TRAPPC3: variants seen among roughly 807,000 people sequenced by gnomAD.
TRAPPC3 encodes trafficking protein particle complex subunit 3.
TRAPPC3 carries 5 observed loss-of-function variants against 18.2 expected under a neutral mutation model. The ratio of observed to expected loss-of-function variants is 0.28; its 90% CI spans 0.14 to 0.58. TRAPPC3 has a LOEUF of 0.58. Ranked by LOEUF, TRAPPC3 falls within the 20% of genes least tolerant of loss-of-function variation. TRAPPC3 has a pLI of 0.91. For missense variants in TRAPPC3, 176 were observed against 225.9 expected (o/e 0.78, Z 1.41); for synonymous variants, 65 against 84.2 (o/e 0.77, Z 1.25).
At position 36,139,729 on chromosome 1, in the gene TRAPPC3, G is replaced by A. The variant is rs763671436; in HGVS notation, c.231C>T (p.Val77=). 6.2e-7 allele frequency: 1 copy of A among 1,614,116 alleles called. No individual in the cohort carries two copies. The highest frequency in any genetic ancestry group is 8.5e-7 in the Non-Finnish European group (1 of 1,180,022). ...RCHDFRETAD[V]IAKVAFKMYL... ...GGCCCAGAATAATGACCTTGGCAAT[G>A]ACATCCGCAGTTTCCCGAAAGTCAT... The change falls in exon 3 of 5, where the codon GTC becomes GTT. Residue 77 remains valine, a synonymous_variant. Transcript: ENST00000373166.
upstream of TRAPPC3, among the ~76,000 whole-genome samples, chr1:36,150,391 T>C (rs1462769271): frequency 6.6e-6 from 1 of 152,230 alleles, no homozygotes; most frequent in Non-Finnish European, 1.5e-5. Context: ...AGGGGAAGTC[T>C]ATAGTCCCTG....
At chr1:36,141,744 G>A (rs60913258) in intron 1 of TRAPPC3, among the ~76,000 whole-genome samples, 2,136 of 152,100 alleles carry the variant, frequency 0.014, 47 homozygotes, top group African/African-American at 0.048. Flanking sequence ...CGGATCACAA[G>A]GTCAAGAGAT....
At chr1:36,137,712 T>G (rs1644045766) in intron 4 of TRAPPC3, 84 bp downstream of exon 4, 4 of 1,437,722 alleles carry the variant, frequency 2.8e-6, no homozygotes, top group Non-Finnish European at 3.8e-6. Flanking sequence ...CAAAGCCCTT[T>G]CTTTTCTCTC....
At chr1:36,154,304 CTA>C (rs1176879410), upstream of TRAPPC3, among the ~76,000 whole-genome samples, 1 of 152,146 alleles carries the variant, frequency 6.6e-6, no homozygotes, top group African/African-American at 2.4e-5. Flanking sequence ...CAGCCAGCCA[CTA>C]GTCTTGAGCC....
In TRAPPC3 at chr1:36,139,582, A is replaced by G. The variant is rs74066050; in HGVS notation, c.240+138T>C. On this transcript the variant is annotated intron_variant, in intron 3 of 4. Transcript: ENST00000373166. Reference sequence around the variant, plus strand: ...TCTATGCTATTCCCTAACGACCTGGAATGTTTTTTTGACCCAAAGAGCTGC... The same window carrying G: ...TCTATGCTATTCCCTAACGACCTGGGATGTTTTTTTGACCCAAAGAGCTGC... The G allele has an allele frequency of 3.2e-3, 3,531 of 1,112,916 alleles. 76 individuals carry two copies. The African/African-American group carries it at 0.049, about 15-fold the overall frequency. The allele number at this position is 1,112,916 out of a possible 1,614,324, so 68.9% of individuals were successfully genotyped here.
Position 36,149,444 on chromosome 1 carries a change from A to C in TRAPPC3, c.-66T>G. 1 of 1,588,978 alleles carries C rather than the reference A, an allele frequency of 6.3e-7. No homozygotes were observed. The highest frequency in any genetic ancestry group is 8.6e-7 in the Non-Finnish European group (1 of 1,166,556). On this transcript the variant is annotated 5_prime_UTR_variant, in exon 1 of 5. Coordinates refer to ENST00000373166, the MANE Select transcript of TRAPPC3 (RefSeq NM_014408.5). ...GCTCGGCGACCCCTGCAGACGCCGGAGCCTAAGCCGCTGCCCCTCAGCCCA... is the reference window on the plus strand; with the variant it reads ...GCTCGGCGACCCCTGCAGACGCCGGCGCCTAAGCCGCTGCCCCTCAGCCCA...
In TRAPPC3 at chr1:36,137,153, T is replaced by C. The variant is rs934942493; in HGVS notation, c.*50A>G. On this transcript the variant is annotated 3_prime_UTR_variant, in exon 5 of 5. Coordinates refer to ENST00000373166, the MANE Select transcript of TRAPPC3 (RefSeq NM_014408.5). The stretch of plus-strand genomic sequence containing the variant: ...GGAGGGCAGAGGGAGCACAGAGGCC[T>C]GCTGATTCCAACAGTGCTCCTGATG... 23 of 1,581,982 alleles carry C rather than the reference T, an allele frequency of 1.5e-5. No individual in the cohort carries two copies. The highest frequency in any genetic ancestry group is 1.9e-5 in the Non-Finnish European group (22 of 1,154,428).
At chr1:36,146,062 G>A (rs560516849) in intron 1 of TRAPPC3, among the ~76,000 whole-genome samples, 20 of 152,180 alleles carry the variant, frequency 1.3e-4, no homozygotes, top group Middle Eastern at 3.4e-3. Flanking sequence ...ACAGGCGTGA[G>A]CCACAGCACC....
intron 1 of TRAPPC3, among the ~76,000 whole-genome samples, chr1:36,145,478 G>A (rs1644180168): frequency 6.6e-6 from 1 of 152,146 alleles, no homozygotes; most frequent in Admixed American, 6.5e-5. Context: ...CTTTTGTCAT[G>A]GAGACTCCAA....
In TRAPPC3 at chr1:36,139,752, C is replaced by G; in HGVS notation, c.208G>C (p.Asp70His). ...LARSNVGRCHDFRETADVIAK... is the reference protein window; with the variant it reads ...LARSNVGRCHHFRETADVIAK... ...ATGACATCCGCAGTTTCCCGAAAGT[C>G]ATGGCACCTCCCAACATTTGACCGA... is the stretch of plus-strand genomic sequence containing the variant. The change falls in exon 3 of 5, where the codon GAC (aspartate) becomes CAC (histidine). Residue 70 changes from aspartate to histidine, a missense_variant. Physicochemically the swap from Asp to His is moderately conservative, Grantham distance 81. Around this residue, in one of 2 missense-constraint regions of TRAPPC3, gnomAD observed 147 missense variants for 164.3 expected, o/e 0.89. Transcript: ENST00000373166. 6.2e-7 allele frequency: 1 copy of G among 1,614,142 alleles called. No homozygotes were observed. Among genetic ancestry groups the G allele is most frequent in the Non-Finnish European group, 8.5e-7 (1 of 1,180,042 alleles).
intron 1 of TRAPPC3, among the ~76,000 whole-genome samples, chr1:36,141,216 A>G (rs1644103068): frequency 6.6e-6 from 1 of 152,214 alleles, no homozygotes; most frequent in Non-Finnish European, 1.5e-5. Flanking sequence ...AGGTGAAATG[A>G]GTGACAAATA....
intron 1 of TRAPPC3, among the ~76,000 whole-genome samples, chr1:36,145,167 G>A (rs1009910963): frequency 1.3e-5 from 2 of 151,300 alleles, no homozygotes; most frequent in African/African-American, 2.4e-5. Context: ...GACTACAGGC[G>A]CCCGCCACCA....
chr1:36,145,813 G>A (rs1005366874), intron 1 of TRAPPC3, among the ~76,000 whole-genome samples: 23 of 152,066 alleles, frequency 1.5e-4, no homozygotes, highest in African/African-American at 4.8e-4. Flanking sequence ...TCGCACTGTC[G>A]CCCAGGCTGG....
Position 36,149,340 on chromosome 1 carries a change from T to C in TRAPPC3, c.39A>G (p.Lys13=). The change falls in exon 1 of 5, where the codon AAA becomes AAG. Residue 13 remains lysine (K), a synonymous_variant. Coordinates refer to ENST00000373166, the MANE Select transcript of TRAPPC3 (RefSeq NM_014408.5). ...RQANRGTESK[K]MSSELFTLTY... is the part of the protein sequence containing the mutation. ...GAGGTCACGCGCTCCAAGTTACCAT[T>C]TTCTTGCTCTCGGTGCCACGGTTCG... 1 of 1,613,572 alleles carries C rather than the reference T, an allele frequency of 6.2e-7. No individual in the cohort carries two copies. Among genetic ancestry groups the C allele is most frequent in the Non-Finnish European group, 8.5e-7 (1 of 1,179,822 alleles).
chr1:36,137,604 C>A, intron 4 of TRAPPC3, 192 bp downstream of exon 4: 1 of 677,662 alleles, frequency 1.5e-6, no homozygotes, highest in Non-Finnish European at 2.4e-6. Flanking sequence ...CCACCTTCCA[C>A]CAGCCTGGTA....
chr1:36,154,876 T>C (rs2124184830), intron 1 of TRAPPC3, among the ~76,000 whole-genome samples: 1 of 152,196 alleles, frequency 6.6e-6, no homozygotes, highest in South Asian at 2.1e-4. Context: ...CCTTTTCTAA[T>C]GTTTTTGGGC....
rs1644035356 is a variant in TRAPPC3 at position 36,137,061 on chromosome 1, T to C, written c.*142A>G. 1 of 1,039,416 alleles carries C rather than the reference T, an allele frequency of 9.6e-7. No homozygotes were observed. Among genetic ancestry groups the C allele is most frequent in the Non-Finnish European group, 1.4e-6 (1 of 718,228 alleles). The allele number at this position is 1,039,416 out of a possible 1,614,324, so 64.4% of individuals were successfully genotyped here. ...GGACTATATCGCAGTCTGCTCTTTATTTGAATGGAGAATGGAAACAGGTTA... is the reference window on the plus strand; with the variant it reads ...GGACTATATCGCAGTCTGCTCTTTACTTGAATGGAGAATGGAAACAGGTTA... On this transcript the variant is annotated 3_prime_UTR_variant, in exon 5 of 5. Coordinates refer to ENST00000373166, the MANE Select transcript of TRAPPC3 (RefSeq NM_014408.5).
rs148056575 is a variant in TRAPPC3, at chr1:36,142,694, G to A, written c.43-2528C>T. Among the ~76,000 whole-genome samples, 618 of 152,280 alleles carry A rather than the reference G, an allele frequency of 4.1e-3. 3 individuals are homozygous for A. The highest frequency in any genetic ancestry group is 6.8e-3 in the Non-Finnish European group (463 of 68,030). On this transcript the variant is annotated intron_variant, in intron 1 of 4. Transcript: ENST00000373166. Reference sequence around the variant, plus strand: ...ACGAACCAAGCCTCTGTGGAACTGTGAGTGACATAAATGTATAACTTAAAG... The same window carrying A: ...ACGAACCAAGCCTCTGTGGAACTGTAAGTGACATAAATGTATAACTTAAAG...
At chr1:36,140,863 A>G (rs1167645439) in intron 1 of TRAPPC3, 1 of 151,520 alleles carries the variant, frequency 6.6e-6, no homozygotes, top group Non-Finnish European at 1.5e-5. Context: ...CTTCTCACAT[A>G]AAGAATTCTG....
Sources: gnomAD v4.1 joint callset for allele counts (sites outside exome capture counted in the v4.1 genomes callset) on GRCh38, gnomAD v4.1.1 for gene constraint, gnomAD v4.1.1 regional missense constraint, MANE v1.5 for transcripts, NCBI Gene and HGNC (gene_info 2026-07-23, HGNC 2026-07-21) for gene names.